The following VPS41 variants were observed in gnomAD, a reference collection of about 807,000 sequenced individuals.
VPS41 encodes the protein VPS41 subunit of HOPS complex.
In VPS41, 85 loss-of-function variants were observed where a neutral mutation model predicts 130.9. The observed-to-expected ratio is 0.65, with a 90% CI of 0.55 to 0.78. VPS41 has a LOEUF of 0.78. Among genes scored for constraint, VPS41 ranks in the 30% least tolerant of loss-of-function variants. The pLI, the probability that VPS41 is intolerant of heterozygous loss-of-function variation, is 0.00. For synonymous variants in VPS41, 335 were observed against 332.9 expected (o/e 1.01, Z -0.07); for missense variants, 874 against 1,018.7 (o/e 0.86, Z 1.93).
At chr7:38,779,666 G>T (rs1400271777) in intron 10 of VPS41, among the ~76,000 whole-genome samples, 1 of 152,162 alleles carries the variant, frequency 6.6e-6, no homozygotes, top group East Asian at 1.9e-4. Flanking sequence ...ATTGCTTTTA[G>T]ATTTAACAAG....
At chr7:38,787,195 T>C (rs1449340205) in intron 10 of VPS41, among the ~76,000 whole-genome samples, 1 of 152,146 alleles carries the variant, frequency 6.6e-6, no homozygotes, top group Non-Finnish European at 1.5e-5. Context: ...AGTCAATCAT[T>C]AATTCCTTGC....
At chr7:38,892,568 T>C (rs758092622) in intron 2 of VPS41, among the ~76,000 whole-genome samples, 13 of 152,334 alleles carry the variant, frequency 8.5e-5, no homozygotes, top group African/African-American at 3.1e-4. Flanking sequence ...AGCAGTAACT[T>C]GTAGGACTTA....
chr7:38,823,693 C>G (rs1420452951), intron 5 of VPS41, among the ~76,000 whole-genome samples: 1 of 152,080 alleles, frequency 6.6e-6, no homozygotes, highest in Admixed American at 6.5e-5. Flanking sequence ...CATTTTGTAA[C>G]TACTGTTTTT....
intron 2 of VPS41, among the ~76,000 whole-genome samples, chr7:38,871,060 C>A (rs551633881): frequency 6.6e-6 from 1 of 152,046 alleles, no homozygotes; most frequent in Non-Finnish European, 1.5e-5. Context: ...TCATTACAGT[C>A]CCAGAAGGAT....
intron 9 of VPS41, among the ~76,000 whole-genome samples, chr7:38,794,153 A>C (rs544150617): frequency 2.2e-4 from 34 of 152,186 alleles, no homozygotes; most frequent in Non-Finnish European, 4.6e-4. Context: ...TAAAACTAAC[A>C]AGCAACCTGG....
intron 5 of VPS41, among the ~76,000 whole-genome samples, chr7:38,826,018 G>C: frequency 6.6e-6 from 1 of 152,272 alleles, no homozygotes; most frequent in East Asian, 1.9e-4. Context: ...GAATAGGGTG[G>C]ACATGTGAAC....
intron 21 of VPS41, among the ~76,000 whole-genome samples, chr7:38,752,856 C>G (rs1477844943): frequency 6.6e-6 from 1 of 152,142 alleles, no homozygotes; most frequent in East Asian, 1.9e-4. Flanking sequence ...AAACTCATTT[C>G]CATACATTCT....
intron 25 of VPS41, among the ~76,000 whole-genome samples, chr7:38,737,329 G>A (rs1026250147): frequency 3.3e-5 from 5 of 151,958 alleles, no homozygotes; most frequent in Non-Finnish European, 4.4e-5. Context: ...CTGAGATCAC[G>A]CCACTGCACT....
intron 7 of VPS41, among the ~76,000 whole-genome samples, chr7:38,797,273 A>T (rs1013614216): frequency 6.6e-6 from 1 of 152,262 alleles, no homozygotes; most frequent in Non-Finnish European, 1.5e-5. Context: ...TATTAGTCAC[A>T]GATTAAACTG....
intron 11 of VPS41, chr7:38,775,735 A>T (rs1012170193): frequency 1.3e-5 from 2 of 152,074 alleles, no homozygotes; most frequent in Non-Finnish European, 1.5e-5. Context: ...TTCCTAATGC[A>T]AGTGCTTGCT....
At chr7:38,832,026 T>C (rs907777242) in intron 4 of VPS41, among the ~76,000 whole-genome samples, 98 of 152,096 alleles carry the variant, frequency 6.4e-4, no homozygotes, top group Non-Finnish European at 2.2e-4. Flanking sequence ...CTGCCAACAA[T>C]CAATATTCAT....
intron 25 of VPS41, among the ~76,000 whole-genome samples, chr7:38,730,158 G>T (rs1363821773): frequency 6.6e-6 from 1 of 152,132 alleles, no homozygotes; most frequent in African/African-American, 2.4e-5. Context: ...GTCTTTCACG[G>T]GCAAGTGCCA....
At chr7:38,904,332 G>A (rs1341834833) in intron 1 of VPS41, among the ~76,000 whole-genome samples, 1 of 152,150 alleles carries the variant, frequency 6.6e-6, no homozygotes, top group Non-Finnish European at 1.5e-5. Context: ...AACTAACAAA[G>A]CAATCCGCTA....
At chr7:38,754,579 C>T (rs944862220) in intron 21 of VPS41, 123 bp downstream of exon 21, 2 of 746,898 alleles carry the variant, frequency 2.7e-6, no homozygotes, top group South Asian at 1.9e-5. Context: ...TGTGGTGAAA[C>T]CTCCAACTGG....
chr7:38,844,305 A>G (rs940476314), intron 4 of VPS41, among the ~76,000 whole-genome samples: 1 of 152,248 alleles, frequency 6.6e-6, no homozygotes, highest in African/African-American at 2.4e-5. Flanking sequence ...AGTGAATAAT[A>G]TAAAATCATT....
At chr7:38,832,319 CT>C (rs543207806) in intron 4 of VPS41, among the ~76,000 whole-genome samples, 1,872 of 114,674 alleles carry the variant, frequency 0.016, 8 homozygotes, top group African/African-American at 0.041. Flanking sequence ...TTCTTTCTTT[CT>C]TTTTTTTTTT....
chr7:38,786,384 C>T (rs1784440021), intron 10 of VPS41, among the ~76,000 whole-genome samples: 1 of 152,116 alleles, frequency 6.6e-6, no homozygotes, highest in African/African-American at 2.4e-5. Flanking sequence ...ATATAAGGAA[C>T]AATATATATT....
chr7:38,842,320 C>T (rs1785625061), intron 4 of VPS41, among the ~76,000 whole-genome samples: 1 of 152,184 alleles, frequency 6.6e-6, no homozygotes, highest in African/African-American at 2.4e-5. Context: ...TCCCCCGACA[C>T]ACGCTCGTCT....
At chr7:38,893,190 T>C (rs944841102) in intron 2 of VPS41, among the ~76,000 whole-genome samples, 3 of 152,074 alleles carry the variant, frequency 2.0e-5, no homozygotes, top group African/African-American at 7.2e-5. Context: ...CCAGCCTCAC[T>C]GCCCCACCCT....
Sources: gnomAD v4.1 joint callset for allele counts (sites outside exome capture counted in the v4.1 genomes callset) on GRCh38, gnomAD v4.1.1 for gene constraint, MANE v1.5 for transcripts, NCBI Gene and HGNC (gene_info 2026-07-23, HGNC 2026-07-21) for gene names.